The following CATSPERE variants were observed in gnomAD, a reference collection of about 807,000 sequenced individuals.
CATSPERE encodes the protein catsper channel auxiliary subunit epsilon.
Under a neutral mutation model 114.1 loss-of-function variants are expected in CATSPERE, and 93 were observed. The observed-to-expected ratio is 0.81, with a 90% confidence interval of 0.69 to 0.97. CATSPERE has a LOEUF of 0.97. Ranked by LOEUF, CATSPERE falls within the 50% of genes least tolerant of loss-of-function variation. The pLI, the probability that CATSPERE is intolerant of heterozygous loss-of-function variation, is 0.00. For missense variants in CATSPERE, 1,058 were observed against 1,131.6 expected (o/e 0.93, Z 0.93); for synonymous variants, 341 against 384.1 (o/e 0.89, Z 1.31).
intron 12 of CATSPERE, among the ~76,000 whole-genome samples, chr1:244,582,818 G>A (rs1487431026): frequency 6.6e-6 from 1 of 152,084 alleles, no homozygotes; most frequent in Non-Finnish European, 1.5e-5. Context: ...TGAAGTTCTA[G>A]TGTCATGGAA....
chr1:244,475,387 C>T (rs957210838), intron 2 of CATSPERE, among the ~76,000 whole-genome samples: 13 of 151,686 alleles, frequency 8.6e-5, no homozygotes, highest in African/African-American at 3.2e-4. Context: ...GTATGTGCCA[C>T]CATGCCTGGG....
chr1:244,479,496 T>C (rs1162333635), intron 4 of CATSPERE, among the ~76,000 whole-genome samples: 1 of 152,106 alleles, frequency 6.6e-6, no homozygotes. Flanking sequence ...TGAGAACATT[T>C]TTTGAATTGT....
Position 244,621,181 on chromosome 1 carries a change from T to TTATATAAATATATCTATATATTA in CATSPERE, c.2648+3501_2648+3502insAATATATCTATATATTATATATA, listed in dbSNP as rs576560764. Among the ~76,000 whole-genome samples the TTATATAAATATATCTATATATTA allele has an allele frequency of 7.4e-3, 328 of 44,518 alleles. 11 individuals carry two copies. Among genetic ancestry groups the TTATATAAATATATCTATATATTA allele is most frequent in the South Asian group, 0.017 (18 of 1,082 alleles). 29.2% of individuals were successfully genotyped at this position (44,518 alleles called of 152,430 possible). On this transcript the variant is annotated intron_variant, in intron 20 of 21. Transcript: ENST00000366534. The stretch of plus-strand genomic sequence containing the variant: ...ATATATATATTATATATAGATATAT[T>TTATATAAATATATCTATATATTA]TATATAGATATATTTATATAGATAT...
chr1:244,494,460 G>T (rs1672763309), intron 6 of CATSPERE, among the ~76,000 whole-genome samples: 1 of 109,714 alleles, frequency 9.1e-6, no homozygotes. Flanking sequence ...TGTGGGGTGG[G>T]GGGAGGGGGG....
intron 6 of CATSPERE, among the ~76,000 whole-genome samples, chr1:244,495,571 A>G (rs1201647745): frequency 6.6e-6 from 1 of 152,046 alleles, no homozygotes; most frequent in Non-Finnish European, 1.5e-5. Context: ...AGATACAAAA[A>G]TTATTTCAGC....
chr1:244,593,336 G>C (rs1396376910), intron 15 of CATSPERE, 59 bp from the exon 16 acceptor site: 2 of 1,560,710 alleles, frequency 1.3e-6, no homozygotes, highest in Admixed American at 1.7e-5. Context: ...CAAAGTCATG[G>C]GTTTAGTTTT....
intron 9 of CATSPERE, among the ~76,000 whole-genome samples, chr1:244,560,240 C>G (rs919867424): frequency 6.6e-6 from 1 of 152,148 alleles, no homozygotes; most frequent in Non-Finnish European, 1.5e-5. Flanking sequence ...ATTCTCCTGC[C>G]TCAGCCTCCC....
intron 8 of CATSPERE, among the ~76,000 whole-genome samples, chr1:244,548,630 A>G (rs1660128049): frequency 6.6e-6 from 1 of 152,244 alleles, no homozygotes; most frequent in Non-Finnish European, 1.5e-5. Flanking sequence ...TTTTCAAAGC[A>G]AGAGAAGACA....
intron 5 of CATSPERE, among the ~76,000 whole-genome samples, chr1:244,488,771 G>A (rs1671480359): frequency 6.6e-6 from 1 of 152,142 alleles, no homozygotes; most frequent in Admixed American, 6.5e-5. Context: ...TGGAGCCGGG[G>A]TCTTTTTAAT....
chr1:244,522,420 A>C (rs962208061), intron 8 of CATSPERE, among the ~76,000 whole-genome samples: 2 of 152,210 alleles, frequency 1.3e-5, no homozygotes, highest in Non-Finnish European at 2.9e-5. Context: ...TCACAATTAA[A>C]AGAACTAGAA....
At chr1:244,456,549 TAAAG>T (rs1666182640), upstream of CATSPERE, among the ~76,000 whole-genome samples, 1 of 152,176 alleles carries the variant, frequency 6.6e-6, no homozygotes, top group African/African-American at 2.4e-5. Context: ...CTTTTGGAAA[TAAAG>T]ACAGTTTTAA....
upstream of CATSPERE, among the ~76,000 whole-genome samples, chr1:244,460,239 A>G (rs762945906): frequency 1.6e-4 from 25 of 152,180 alleles, no homozygotes; most frequent in Non-Finnish European, 3.4e-4. Context: ...AACATTAACC[A>G]CAAGATTTGA....
intron 8 of CATSPERE, among the ~76,000 whole-genome samples, chr1:244,531,356 T>C (rs1461247961): frequency 6.6e-6 from 1 of 152,138 alleles, no homozygotes; most frequent in Non-Finnish European, 1.5e-5. Context: ...TAGCTAGGAC[T>C]TCCAGTACTG....
At chr1:244,501,931 C>G (rs570672508) in intron 7 of CATSPERE, among the ~76,000 whole-genome samples, 1 of 152,324 alleles carries the variant, frequency 6.6e-6, no homozygotes, top group African/African-American at 2.4e-5. Context: ...TCCTCACACA[C>G]ACCTGCTGTT....
chr1:244,613,134 A>G (rs980650441), intron 19 of CATSPERE, among the ~76,000 whole-genome samples: 2 of 152,240 alleles, frequency 1.3e-5, no homozygotes, highest in African/African-American at 4.8e-5. Context: ...TGATATATGC[A>G]CAGCTTCCAA....
chr1:244,540,975 C>A (rs1420210835), intron 8 of CATSPERE, among the ~76,000 whole-genome samples: 1 of 49,858 alleles, frequency 2.0e-5, no homozygotes, highest in Non-Finnish European at 4.8e-5. Context: ...GAAACTGGAT[C>A]CCTTCCTTAC....
chr1:244,505,700 C>T (rs949133624), intron 7 of CATSPERE, among the ~76,000 whole-genome samples: 5 of 151,970 alleles, frequency 3.3e-5, no homozygotes, highest in East Asian at 3.9e-4. Context: ...TACCATAGAC[C>T]GGGTGGCTTA....
At position 244,568,462 on chromosome 1, in the gene CATSPERE, G is replaced by C. The variant is rs1663933180; in HGVS notation, c.1508-3868G>C. 6.6e-6 allele frequency among the ~76,000 whole-genome samples: 1 copy of C among 152,246 alleles called. No individual in the cohort carries two copies. Among genetic ancestry groups the C allele is most frequent in the South Asian group, 2.1e-4 (1 of 4,836 alleles). On this transcript the variant is annotated intron_variant, in intron 10 of 21. Coordinates refer to ENST00000366534, the MANE Select transcript of CATSPERE (RefSeq NM_001130957.2). The surrounding 1 kb of genome is among the most constrained non-coding windows in gnomAD (Gnocchi z 4.4). The stretch of plus-strand genomic sequence containing the variant: ...CCCAGGGCCACCCCTTTCCCCAGGT[G>C]CTCTGTCCCAGGGAGATGAGGGTTT...
At chr1:244,518,898 G>A (rs1572521981) in intron 8 of CATSPERE, among the ~76,000 whole-genome samples, 200 bp downstream of exon 8, 1 of 152,038 alleles carries the variant, frequency 6.6e-6, no homozygotes, top group South Asian at 2.1e-4. Flanking sequence ...TACAATTTGT[G>A]TCCATACATA....
Sources: allele counts gnomAD v4.1 joint callset (sites outside exome capture counted in the v4.1 genomes callset), GRCh38; gene constraint gnomAD v4.1.1; non-coding constraint Gnocchi (gnomAD v3.1); transcripts MANE v1.5; gene names NCBI Gene and HGNC (gene_info 2026-07-23, HGNC 2026-07-21).